ADAMTS12: variants seen among roughly 807,000 people sequenced by gnomAD.
ADAMTS12 encodes the protein ADAM metallopeptidase with thrombospondin type 1 motif 12.
ADAMTS12 carries 118 observed loss-of-function variants against 167.8 expected under a neutral mutation model. That is an observed-to-expected ratio of 0.70 (90% confidence interval 0.61 to 0.82). The LOEUF (loss-of-function observed/expected upper bound fraction) is 0.82. Ranked by LOEUF, ADAMTS12 falls within the 40% of genes least tolerant of loss-of-function variation. ADAMTS12 has a pLI of 0.00. For synonymous variants in ADAMTS12, 704 were observed against 716.9 expected (o/e 0.98, Z 0.29); for missense variants, 1,916 against 1,998.8 (o/e 0.96, Z 0.79).
intron 17 of ADAMTS12, among the ~76,000 whole-genome samples, chr5:33,594,101 G>A (rs1296939103): frequency 6.6e-6 from 1 of 152,154 alleles, no homozygotes; most frequent in African/African-American, 2.4e-5. Context: ...TAATTCCCAC[G>A]TGTTGTGGGA....
At chr5:33,657,619 G>C (rs894335537) in intron 7 of ADAMTS12, among the ~76,000 whole-genome samples, 8 of 152,180 alleles carry the variant, frequency 5.3e-5, no homozygotes, top group African/African-American at 1.9e-4. Flanking sequence ...TGGACATCCA[G>C]TTAACTGGTG....
chr5:33,702,330 G>A (rs1743032339), intron 3 of ADAMTS12, among the ~76,000 whole-genome samples: 1 of 152,142 alleles, frequency 6.6e-6, no homozygotes, highest in Admixed American at 6.6e-5. Flanking sequence ...GCATTACCTG[G>A]TATTGTTGAT....
chr5:33,706,643 C>A (rs1743210962), intron 3 of ADAMTS12, among the ~76,000 whole-genome samples: 1 of 152,094 alleles, frequency 6.6e-6, no homozygotes, highest in Admixed American at 6.6e-5. Flanking sequence ...GGGCATTTAG[C>A]CCGTTTACAT....
At chr5:33,600,238 C>A (rs1384584423) in intron 16 of ADAMTS12, among the ~76,000 whole-genome samples, 1 of 152,162 alleles carries the variant, frequency 6.6e-6, no homozygotes, top group Non-Finnish European at 1.5e-5. Context: ...TGTTGCCATG[C>A]AGCAGTACTT....
chr5:33,594,061 C>T (rs1747782022), intron 17 of ADAMTS12, among the ~76,000 whole-genome samples: 1 of 152,198 alleles, frequency 6.6e-6, no homozygotes, highest in Non-Finnish European at 1.5e-5. Context: ...TGTGTCCCCA[C>T]TCAAATCTCA....
At chr5:33,776,965 G>C (rs1697732520) in intron 2 of ADAMTS12, among the ~76,000 whole-genome samples, 1 of 152,066 alleles carries the variant, frequency 6.6e-6, no homozygotes, top group African/African-American at 2.4e-5. Flanking sequence ...AACCTGCCAA[G>C]TCTGAATCAT....
At chr5:33,606,122 A>G (rs1213200109) in intron 16 of ADAMTS12, among the ~76,000 whole-genome samples, 1 of 152,104 alleles carries the variant, frequency 6.6e-6, no homozygotes, top group Non-Finnish European at 1.5e-5. Context: ...TAATTTTTGT[A>G]TTTTTTGTAG....
At chr5:33,815,568 C>A (rs1360933089) in intron 2 of ADAMTS12, among the ~76,000 whole-genome samples, 1 of 152,132 alleles carries the variant, frequency 6.6e-6, no homozygotes, top group Non-Finnish European at 1.5e-5. Flanking sequence ...GTCACCTACT[C>A]CACAGTGTTC....
intron 17 of ADAMTS12, among the ~76,000 whole-genome samples, chr5:33,589,128 G>A (rs935207673): frequency 1.3e-5 from 2 of 152,176 alleles, no homozygotes; most frequent in African/African-American, 4.8e-5. Flanking sequence ...GCAAGTTTAA[G>A]CCTCGCTTTC....
intron 2 of ADAMTS12, among the ~76,000 whole-genome samples, chr5:33,868,791 T>A (rs990978523): frequency 6.6e-6 from 1 of 152,236 alleles, no homozygotes. Context: ...AAAAATTTTT[T>A]AGCTCATCAG....
intron 2 of ADAMTS12, among the ~76,000 whole-genome samples, chr5:33,850,639 G>A (rs1749188880): frequency 6.6e-6 from 1 of 152,188 alleles, no homozygotes; most frequent in South Asian, 2.1e-4. Flanking sequence ...AAATGTTACA[G>A]TGTAAATATC....
chr5:33,779,802 C>G (rs980969953), intron 2 of ADAMTS12, among the ~76,000 whole-genome samples: 1 of 152,032 alleles, frequency 6.6e-6, no homozygotes, highest in African/African-American at 2.4e-5. Flanking sequence ...ATGGTTGTCA[C>G]CAAAGGCTGG....
intron 3 of ADAMTS12, among the ~76,000 whole-genome samples, chr5:33,698,900 T>C (rs1742884204): frequency 6.6e-6 from 1 of 152,246 alleles, no homozygotes; most frequent in Non-Finnish European, 1.5e-5. Context: ...CTTACGCCTG[T>C]AATCCCAGCA....
intron 9 of ADAMTS12, among the ~76,000 whole-genome samples, chr5:33,646,594 T>C (rs1396075279): frequency 4.6e-5 from 7 of 152,182 alleles, no homozygotes; most frequent in Admixed American, 3.3e-4. Flanking sequence ...ACATTTTAAA[T>C]TGACCCAGAG....
chr5:33,881,681 G>C (rs1337216884), intron 1 of ADAMTS12, among the ~76,000 whole-genome samples: 1 of 150,850 alleles, frequency 6.6e-6, no homozygotes, highest in East Asian at 1.9e-4. Flanking sequence ...TCCTGCCTCA[G>C]CCTCCTGAGT....
chr5:33,748,103 C>G (rs1379717034), intron 3 of ADAMTS12, among the ~76,000 whole-genome samples: 1 of 152,094 alleles, frequency 6.6e-6, no homozygotes, highest in Admixed American at 6.5e-5. Context: ...CATAGATGAC[C>G]CAGTATCTGT....
intron 2 of ADAMTS12, among the ~76,000 whole-genome samples, chr5:33,758,564 G>A (rs1745245089): frequency 6.6e-6 from 1 of 152,130 alleles, no homozygotes; most frequent in Admixed American, 6.6e-5. Flanking sequence ...GGGGGTAAAG[G>A]GCTCCCACAA....
chr5:33,821,061 C>A (rs923534170), intron 2 of ADAMTS12, among the ~76,000 whole-genome samples: 3 of 152,146 alleles, frequency 2.0e-5, no homozygotes, highest in Non-Finnish European at 4.4e-5. Context: ...ATTTGTACAA[C>A]AAACCTTCAT....
At chr5:33,820,872 C>G (rs1321852423) in intron 2 of ADAMTS12, among the ~76,000 whole-genome samples, 1 of 152,072 alleles carries the variant, frequency 6.6e-6, no homozygotes, top group Non-Finnish European at 1.5e-5. Context: ...AATGCATGAA[C>G]AGAAAACCAA....
Sources: allele counts gnomAD v4.1 joint callset (sites outside exome capture counted in the v4.1 genomes callset), GRCh38; gene constraint gnomAD v4.1.1; transcripts MANE v1.5; gene names NCBI Gene and HGNC (gene_info 2026-07-23, HGNC 2026-07-21).